Variants in CFAP47 observed in about 807,000 individuals in gnomAD.
CFAP47 encodes cilia and flagella associated protein 47.
In CFAP47, 29 loss-of-function variants were observed where a neutral mutation model predicts 148.1. That is an observed-to-expected ratio of 0.20 (90% CI 0.15 to 0.27). The LOEUF (loss-of-function observed/expected upper bound fraction) is 0.27, where lower values mean the gene tolerates loss of function less well. CFAP47 is among the 10% of genes least tolerant of loss of function. The pLI, the probability that CFAP47 is intolerant of heterozygous loss-of-function variation, is 1.00. For missense variants in CFAP47, 1,872 were observed against 1,697.5 expected, an observed-to-expected ratio of 1.10 and a Z score of -1.81; for synonymous variants, 664 against 577.3, an observed-to-expected ratio of 1.15 and a Z score of -2.15.
At chrX:35,947,017 T>C (rs1434211435) in intron 3 of CFAP47, among the ~76,000 whole-genome samples, 1 of 111,585 alleles carries the variant, frequency 9.0e-6, no homozygotes, top group Non-Finnish European at 1.9e-5. Context: ...CATATGCCAT[T>C]TGATTTCAGA....
At chrX:36,174,511 C>A (rs1259073698) in intron 39 of CFAP47, among the ~76,000 whole-genome samples, 1 of 109,407 alleles carries the variant, frequency 9.1e-6, no homozygotes, top group Non-Finnish European at 1.9e-5. Context: ...GACAAAATCT[C>A]TCAGCATTTG....
In CFAP47 at chrX:36,303,884, C is replaced by T. The variant is rs1431557641; in HGVS notation, c.8006C>T (p.Thr2669Met). 1.4e-5 allele frequency: 16 copies of T among 1,139,632 alleles called. No homozygotes were observed. Among genetic ancestry groups the T allele is most frequent in the South Asian group, 8.0e-5 (4 of 49,878 alleles). The allele number at this position is 1,139,632 out of a possible 1,213,427, so 93.9% of individuals were successfully genotyped here. A position where few individuals can be genotyped will look rare whatever the true frequency, so the allele number is the denominator to read the frequency against. Residue 2669 changes from threonine (T) to methionine (M), a missense_variant, in exon 54 of 64, where the codon ACG (threonine) becomes ATG (methionine). Physicochemically the swap from Thr to Met is moderately conservative, Grantham distance 81. Transcript: ENST00000378653. ...VTQIIPLVNC[T>M]HETLKLQVTN... The stretch of plus-strand genomic sequence containing the variant: ...CAGATCATTCCTTTAGTTAATTGTA[C>T]GCATGAAACCTTAAAATTGCAAGTA...
intron 32 of CFAP47, among the ~76,000 whole-genome samples, chrX:36,103,663 C>T (rs991859322): frequency 1.8e-5 from 2 of 109,523 alleles, no homozygotes; most frequent in African/African-American, 6.6e-5. Context: ...GTGTTCATAC[C>T]CATACCACTG....
At chrX:36,205,420 G>T (rs1940029093) in intron 45 of CFAP47, among the ~76,000 whole-genome samples, 1 of 111,597 alleles carries the variant, frequency 9.0e-6, no homozygotes, top group African/African-American at 3.3e-5. Context: ...TTTGAGGAAG[G>T]TGAGCTCTTG....
At chrX:36,319,172 G>T in intron 56 of CFAP47, 37 bp from the exon 57 acceptor site, 1 of 733,423 alleles carries the variant, frequency 1.4e-6, no homozygotes, top group East Asian at 4.1e-5. Context: ...TCTTGAATGT[G>T]ACATTGAAGT....
intron 18 of CFAP47, among the ~76,000 whole-genome samples, chrX:35,997,079 A>G (rs771681468): frequency 3.6e-5 from 4 of 111,738 alleles, no homozygotes; most frequent in South Asian, 7.4e-4. Context: ...CAAATTCACA[A>G]ACCATCAGCT....
chrX:36,151,341 T>A (rs1050720803), intron 37 of CFAP47, among the ~76,000 whole-genome samples: 2 of 112,111 alleles, frequency 1.8e-5, no homozygotes, highest in Admixed American at 9.5e-5. Context: ...TTATAACATA[T>A]GCATACTTAT....
chrX:36,321,491 A>T (rs934883612), intron 57 of CFAP47, among the ~76,000 whole-genome samples: 1 of 111,691 alleles, frequency 9.0e-6, no homozygotes, highest in Non-Finnish European at 1.9e-5. Flanking sequence ...AGTAAAAAAT[A>T]ATTTAATTGT....
intron 13 of CFAP47, among the ~76,000 whole-genome samples, chrX:35,973,867 T>C (rs756828116): frequency 8.9e-6 from 1 of 112,483 alleles, no homozygotes; most frequent in African/African-American, 3.2e-5. Context: ...ATCCCTAAGA[T>C]GAGTATGCTG....
chrX:36,348,293 C>T lies in CFAP47; in HGVS notation c.8603+5C>T, dbSNP rs1351566160. The T allele has an allele frequency of 3.1e-6, 3 of 960,486 alleles. No homozygotes were observed. In the African/African-American group the frequency reaches 6.2e-5, roughly 20 times the overall value. The allele number at this position is 960,486 out of a possible 1,213,427, so 79.2% of individuals were successfully genotyped here. A position where few individuals can be genotyped will look rare whatever the true frequency, so the allele number is the denominator to read the frequency against. ...GTTGGATATAAAATTTAAAAGGTAA[C>T]ATTTAAATAAAGACATTGAAGGAAA... On this transcript the variant is annotated splice_donor_5th_base_variant and intron_variant, in intron 58 of 63. Transcript: ENST00000378653.
intron 1 of CFAP47, among the ~76,000 whole-genome samples, chrX:35,925,664 AT>A (rs889262384): frequency 3.6e-5 from 4 of 112,070 alleles, no homozygotes; most frequent in Non-Finnish European, 7.5e-5. Flanking sequence ...TTATTTATTT[AT>A]TTATTTTTTG....
intron 3 of CFAP47, among the ~76,000 whole-genome samples, chrX:35,943,426 C>T (rs1193134997): frequency 9.0e-6 from 1 of 111,193 alleles, no homozygotes; most frequent in Non-Finnish European, 1.9e-5. Flanking sequence ...TTTTTATAGA[C>T]CCCCAAAGTT....
intron 55 of CFAP47, among the ~76,000 whole-genome samples, chrX:36,308,773 CTT>C (rs1300935845): frequency 3.6e-5 from 4 of 110,659 alleles, no homozygotes; most frequent in African/African-American, 1.3e-4. Context: ...ATAGGGTAAA[CTT>C]TATTTCTGAT....
Position 35,924,180 on chromosome X carries a change from CGTACATGTATGT to C in CFAP47, c.250-1833_250-1822del, listed in dbSNP as rs767956099. On this transcript the variant is annotated intron_variant, in intron 1 of 63. Transcript: ENST00000378653. ...ATATATGTATATATGTACATGTATG[CGTACATGTATGT>C]GTATATATGGACATGTATGTGTGCA... 3.8e-3 allele frequency among the ~76,000 whole-genome samples: 355 copies of C among 93,669 alleles called. 1 individual carries two copies. Among genetic ancestry groups the C allele is most frequent in the Non-Finnish European group, 5.4e-3 (265 of 49,254 alleles). The allele number at this position is 93,669 out of a possible 115,157, so 81.3% of individuals were successfully genotyped here. A position where few individuals can be genotyped will look rare whatever the true frequency, so the allele number is the denominator to read the frequency against.
chrX:36,004,061 C>T (rs1936951920), intron 21 of CFAP47, among the ~76,000 whole-genome samples: 1 of 105,455 alleles, frequency 9.5e-6, no homozygotes, highest in Admixed American at 1.0e-4. Context: ...CAACCTCCAC[C>T]TCCCCGATTC....
chrX:35,961,464 A>C (rs545335023), intron 8 of CFAP47, among the ~76,000 whole-genome samples: 1 of 111,252 alleles, frequency 9.0e-6, no homozygotes, highest in African/African-American at 3.3e-5. Flanking sequence ...ATTTTGTCAG[A>C]AAGTTTTTGG....
At chrX:35,986,621 C>T (rs184037911) in intron 15 of CFAP47, among the ~76,000 whole-genome samples, 1 of 110,486 alleles carries the variant, frequency 9.1e-6, no homozygotes, top group Admixed American at 9.7e-5. Flanking sequence ...ATTGGTCAAA[C>T]TCATTCTCCA....
At chrX:36,199,155 G>A (rs1555987608) in intron 42 of CFAP47, among the ~76,000 whole-genome samples, 1 of 111,664 alleles carries the variant, frequency 9.0e-6, no homozygotes, top group African/African-American at 3.3e-5. Context: ...CTTTGAATCA[G>A]GATCTAAATA....
chrX:36,096,605 G>A (rs1401998338), intron 30 of CFAP47, among the ~76,000 whole-genome samples: 1 of 109,711 alleles, frequency 9.1e-6, no homozygotes, highest in African/African-American at 3.3e-5. Context: ...GACCTTCTTT[G>A]TTTCTTCTTA....
Sources: allele counts gnomAD v4.1 joint callset (sites outside exome capture counted in the v4.1 genomes callset), GRCh38; gene constraint gnomAD v4.1.1; transcripts MANE v1.5; gene names NCBI Gene and HGNC (gene_info 2026-07-23, HGNC 2026-07-21).